GHR: variants seen among roughly 807,000 people sequenced by gnomAD.
The protein encoded by GHR is GH receptor.
Under a neutral mutation model 67.1 loss-of-function variants are expected in GHR, and 35 were observed. The observed-to-expected ratio is 0.52, with a 90% CI of 0.40 to 0.69. The LOEUF is 0.69. Among genes scored for constraint, GHR ranks in the 30% least tolerant of loss-of-function variants. The pLI, the probability that GHR is intolerant of heterozygous loss-of-function variation, is 0.00. For missense variants in GHR, 792 were observed against 764.6 expected (o/e 1.04, Z -0.42); for synonymous variants, 272 against 269.1 (o/e 1.01, Z -0.10).
At chr5:42,566,006 T>A in intron 2 of GHR, 62 bp downstream of exon 2, 2 of 1,578,122 alleles carry the variant, frequency 1.3e-6, no homozygotes, top group African/African-American at 1.3e-5. Context: ...CTGTATTCGC[T>A]ACATCCAAGT....
chr5:42,715,754 C>T (rs1219245362), intron 8 of GHR, among the ~76,000 whole-genome samples: 1 of 152,110 alleles, frequency 6.6e-6, no homozygotes, highest in Non-Finnish European at 1.5e-5. Flanking sequence ...AGAATTTTCA[C>T]ACAAAAATCC....
At position 42,646,757 on chromosome 5, in the gene GHR, AC is replaced by A. The variant is rs760788054; in HGVS notation, c.136+17656del. ...CTTGGTGACGTCCTGCAGCAAGCAAACCAAATGAAGGCATCTCTGAGACCCC... is the reference window on the plus strand; with the variant it reads ...CTTGGTGACGTCCTGCAGCAAGCAAACAAATGAAGGCATCTCTGAGACCCC... On this transcript the variant is annotated intron_variant, in intron 3 of 9. Coordinates refer to ENST00000230882, the MANE Select transcript of GHR (RefSeq NM_000163.5). Among the ~76,000 whole-genome samples the A allele has an allele frequency of 2.0e-5, 3 of 152,098 alleles. No homozygotes were observed. The East Asian group carries it at 5.8e-4, about 29-fold the overall frequency.
chr5:42,508,202 C>G lies in GHR; in HGVS notation c.-11-57662C>G, dbSNP rs369791689. On this transcript the variant is annotated intron_variant, in intron 1 of 9. Coordinates refer to ENST00000230882, the MANE Select transcript of GHR (RefSeq NM_000163.5). ...AGTTCAGCCTGTCCCAGCTTCATTG[C>G]TGAGGTACATATGTGGTTAAGGAGC... Among the ~76,000 whole-genome samples, 23 of 152,286 alleles carry G rather than the reference C, an allele frequency of 1.5e-4. No individual in the cohort carries two copies. The East Asian group carries it at 4.1e-3, about 27-fold the overall frequency.
intron 1 of GHR, among the ~76,000 whole-genome samples, chr5:42,426,360 G>A (rs555492516): frequency 4.6e-5 from 7 of 152,260 alleles, no homozygotes; most frequent in East Asian, 1.9e-4. Flanking sequence ...TGTGAGTGAC[G>A]TAGTGAGAAA....
chr5:42,508,626 T>C (rs573617115), intron 1 of GHR, among the ~76,000 whole-genome samples: 13 of 152,234 alleles, frequency 8.5e-5, no homozygotes, highest in South Asian at 2.1e-4. Context: ...CAGGCTGGAG[T>C]GCAGTGGCAC....
intron 2 of GHR, among the ~76,000 whole-genome samples, chr5:42,581,155 T>C (rs1296001134): frequency 3.3e-5 from 5 of 152,198 alleles, no homozygotes; most frequent in Admixed American, 3.3e-4. Flanking sequence ...TAAAAGATTG[T>C]TTATAAGTCC....
chr5:42,708,147 T>G (rs1372196174), intron 6 of GHR, among the ~76,000 whole-genome samples: 1 of 152,166 alleles, frequency 6.6e-6, no homozygotes, highest in Non-Finnish European at 1.5e-5. Context: ...TCAGGTTTCA[T>G]TTTTCCACTA....
At chr5:42,574,498 A>G (rs1352366374) in intron 2 of GHR, among the ~76,000 whole-genome samples, 2 of 152,232 alleles carry the variant, frequency 1.3e-5, no homozygotes, top group African/African-American at 2.4e-5. Flanking sequence ...TGAGAAATAG[A>G]AGGAAGTAAG....
intron 2 of GHR, among the ~76,000 whole-genome samples, chr5:42,585,031 C>T (rs1019732316): frequency 3.3e-5 from 5 of 152,286 alleles, no homozygotes; most frequent in South Asian, 4.1e-4. Flanking sequence ...GTTCTATGAA[C>T]GTCAGTTGTG....
At chr5:42,447,526 T>C (rs1345796909) in intron 1 of GHR, among the ~76,000 whole-genome samples, 1 of 152,216 alleles carries the variant, frequency 6.6e-6, no homozygotes, top group Non-Finnish European at 1.5e-5. Context: ...CACTCATTGG[T>C]TGATAGGCAT....
intron 2 of GHR, among the ~76,000 whole-genome samples, chr5:42,603,120 C>A (rs773137905): frequency 7.2e-6 from 1 of 138,784 alleles, no homozygotes; most frequent in Middle Eastern, 3.3e-3. Context: ...TGGGTATAGC[C>A]GTCTTTGTTG....
chr5:42,633,911 T>C (rs1342146877), intron 3 of GHR, among the ~76,000 whole-genome samples: 1 of 152,204 alleles, frequency 6.6e-6, no homozygotes, highest in Non-Finnish European at 1.5e-5. Flanking sequence ...CTGTGAGCCA[T>C]ATTTCAAATA....
chr5:42,576,339 C>T (rs1750743032), intron 2 of GHR, among the ~76,000 whole-genome samples: 1 of 151,896 alleles, frequency 6.6e-6, no homozygotes, highest in Admixed American at 6.6e-5. Context: ...GAGATTACTA[C>T]ACAGGAAAAG....
rs1456519065 is a variant in GHR at position 42,576,057 on chromosome 5, A to AAT, written c.70+10115_70+10116dup. Among the ~76,000 whole-genome samples the AAT allele has an allele frequency of 7.7e-3, 539 of 69,898 alleles. 7 individuals carry two copies. The highest frequency in any genetic ancestry group is 0.045 in the African/African-American group (522 of 11,486). The allele number at this position is 69,898 out of a possible 152,430, so 45.9% of individuals were successfully genotyped here. ...TCAGAAAATTAAAATAATAAAATAA[A>AAT]ATAAAATAAAATAAAATAAAATAAA... On this transcript the variant is annotated intron_variant, in intron 2 of 9. Coordinates refer to ENST00000230882, the MANE Select transcript of GHR (RefSeq NM_000163.5).
chr5:42,488,131 T>C (rs768336405), intron 1 of GHR, among the ~76,000 whole-genome samples: 74 of 152,244 alleles, frequency 4.9e-4, no homozygotes, highest in Admixed American at 1.8e-3. Flanking sequence ...TTTGGTTTCA[T>C]CATACAATGT....
rs373429024 is a variant in GHR, at chr5:42,494,884, C to A, written c.-12+70929C>A. Among the ~76,000 whole-genome samples, 8 of 152,204 alleles carry A rather than the reference C, an allele frequency of 5.3e-5. No homozygotes were observed. The South Asian group carries it at 1.7e-3, about 32-fold the overall frequency. ...TAGTTCTTTTTGGTGAGCTACTTGA[C>A]TATCAGAGCCAAATATGTAGGTAGT... On this transcript the variant is annotated intron_variant, in intron 1 of 9. Coordinates refer to ENST00000230882, the MANE Select transcript of GHR (RefSeq NM_000163.5).
intron 1 of GHR, among the ~76,000 whole-genome samples, chr5:42,483,335 A>C (rs1227683930): frequency 1.3e-5 from 2 of 152,186 alleles, no homozygotes; most frequent in African/African-American, 4.8e-5. Flanking sequence ...TACAGGTATG[A>C]GCCTCCATGG....
chr5:42,655,693 A>G lies in GHR; in HGVS notation c.136+26590A>G, dbSNP rs190426060. Among the ~76,000 whole-genome samples the G allele has an allele frequency of 7.6e-4, 115 of 152,194 alleles. 1 individual carries two copies. Among genetic ancestry groups the G allele is most frequent in the African/African-American group, 2.6e-3 (110 of 41,558 alleles). On this transcript the variant is annotated intron_variant, in intron 3 of 9. Transcript: ENST00000230882. ...ATAAAATATATATAAATTTGGTTTA[A>G]TATAAAATATAAAATTGGCATTAGT... is the stretch of plus-strand genomic sequence containing the variant.
chr5:42,584,380 G>A (rs914698567), intron 2 of GHR, among the ~76,000 whole-genome samples: 3 of 152,182 alleles, frequency 2.0e-5, no homozygotes, highest in Admixed American at 6.5e-5. Context: ...GGGAGGAAAA[G>A]ACAGCAAAAG....
Sources: allele counts gnomAD v4.1 joint callset (sites outside exome capture counted in the v4.1 genomes callset), GRCh38; gene constraint gnomAD v4.1.1; transcripts MANE v1.5; gene names NCBI Gene and HGNC (gene_info 2026-07-23, HGNC 2026-07-21).